OTUD7A: variants seen among roughly 807,000 people sequenced by gnomAD.
OTUD7A encodes the protein OTU domain-containing protein 7A.
A neutral mutation model predicts 65.7 loss-of-function variants in OTUD7A; 12 were observed. That is an observed-to-expected ratio of 0.18 (90% CI 0.12 to 0.30). The LOEUF (loss-of-function observed/expected upper bound fraction) is 0.30, where lower values mean the gene tolerates loss of function less well. OTUD7A is among the 10% of genes least tolerant of loss of function. The probability of loss-of-function intolerance (pLI) is 1.00; values close to 1 mark genes in which losing one functional copy is unlikely to be tolerated. For synonymous variants in OTUD7A, 641 were observed against 586.3 expected (o/e 1.09, Z -1.35); for missense variants, 1,148 against 1,304.8 (o/e 0.88, Z 1.85).
intron 1 of OTUD7A, among the ~76,000 whole-genome samples, chr15:31,770,904 C>T (rs1274397758): frequency 2.6e-5 from 4 of 152,110 alleles, no homozygotes; most frequent in Admixed American, 1.3e-4. Context: ...AAAGGACTCC[C>T]GCAACCTGAC....
chr15:31,567,691 C>A (rs529983202), intron 4 of OTUD7A, among the ~76,000 whole-genome samples: 1 of 152,366 alleles, frequency 6.6e-6, no homozygotes, highest in South Asian at 2.1e-4. Context: ...CCATCAAAGG[C>A]CTACAGGCCT....
chr15:31,754,726 T>C (rs1327631310), intron 1 of OTUD7A, among the ~76,000 whole-genome samples: 1 of 152,224 alleles, frequency 6.6e-6, no homozygotes, highest in Non-Finnish European at 1.5e-5. Flanking sequence ...TGCCTGTTTT[T>C]ATAACAGTAC....
chr15:31,558,905 G>C (rs1210693398), intron 5 of OTUD7A, 64 bp downstream of exon 5: 1 of 1,545,924 alleles, frequency 6.5e-7, no homozygotes, highest in Non-Finnish European at 8.9e-7. Flanking sequence ...TCATAGAGTA[G>C]GTTAGGCCAG....
chr15:31,791,120 G>T (rs1484335037), intron 1 of OTUD7A, among the ~76,000 whole-genome samples: 1 of 152,086 alleles, frequency 6.6e-6, no homozygotes. Flanking sequence ...TCCGCATCCT[G>T]GGTTCAAGCG....
At chr15:31,729,222 G>A (rs1336189203) in intron 1 of OTUD7A, among the ~76,000 whole-genome samples, 6 of 152,140 alleles carry the variant, frequency 3.9e-5, no homozygotes, top group Admixed American at 6.5e-5. Context: ...CTGGGGTTTC[G>A]GAATGTATTC....
chr15:31,842,848 A>G (rs184065961), intron 1 of OTUD7A, among the ~76,000 whole-genome samples: 1 of 152,300 alleles, frequency 6.6e-6, no homozygotes, highest in Admixed American at 6.5e-5. Flanking sequence ...CCAGAATTCC[A>G]AAAGATGGGC....
chr15:31,631,424 T>A (rs935095771), intron 3 of OTUD7A, among the ~76,000 whole-genome samples: 1 of 152,226 alleles, frequency 6.6e-6, no homozygotes, highest in African/African-American at 2.4e-5. Flanking sequence ...GCCCCAACTC[T>A]CTTCTGGCTT....
chr15:31,484,564 T>G lies in OTUD7A; in HGVS notation c.1532A>C (p.Glu511Ala). The G allele has an allele frequency of 1.2e-6, 2 of 1,611,474 alleles. No individual in the cohort carries two copies. The highest frequency in any genetic ancestry group is 1.7e-6 in the Non-Finnish European group (2 of 1,179,812). ...GGAGTCGGCGCGCGTCTTGTCCTTC[T>G]CCTTGCGCTGCTTCTCCTTCTCCTT... ...KDKEKEKQRKEKDKTRADSVA... is the reference protein window; with the variant it reads ...KDKEKEKQRKAKDKTRADSVA... Residue 511 changes from glutamate (E) to alanine (A), a missense_variant, in exon 13 of 13, where the codon GAG becomes GCG. By Grantham distance (107) the Glu-to-Ala change is moderately radical (BLOSUM62 -1). Around this residue, in one of 6 missense-constraint regions of OTUD7A, gnomAD observed 842 missense variants for 769.5 expected, o/e 1.09. Coordinates refer to ENST00000307050, the MANE Select transcript of OTUD7A (RefSeq NM_001382637.1). The surrounding 1 kb of genome is among the most constrained non-coding windows in gnomAD (Gnocchi z 4.5).
intron 1 of OTUD7A, among the ~76,000 whole-genome samples, chr15:31,811,111 CG>C (rs1896403064): frequency 6.6e-6 from 1 of 152,092 alleles, no homozygotes; most frequent in Non-Finnish European, 1.5e-5. Flanking sequence ...AGAAGGTGCA[CG>C]GATTCAACCT....
At chr15:31,576,797 T>A (rs552447908) in intron 3 of OTUD7A, among the ~76,000 whole-genome samples, 1 of 152,344 alleles carries the variant, frequency 6.6e-6, no homozygotes, top group African/African-American at 2.4e-5. Context: ...ACTGTGTATA[T>A]CGTAAACTGA....
intron 1 of OTUD7A, among the ~76,000 whole-genome samples, chr15:31,658,863 A>G (rs530546815): frequency 1.3e-5 from 2 of 149,658 alleles, no homozygotes; most frequent in South Asian, 4.3e-4. Context: ...CCCCGTCTCT[A>G]CTAATTAAAA....
rs1055721324 is a variant in OTUD7A at position 31,478,195 on chromosome 15, G to A, written c.*5099C>T. 6 of 152,216 alleles carry A rather than the reference G, an allele frequency of 3.9e-5. No individual in the cohort carries two copies. The highest frequency in any genetic ancestry group is 8.8e-5 in the Non-Finnish European group (6 of 68,038). The allele number at this position is 152,216 out of a possible 1,614,324, so 9.4% of individuals were successfully genotyped here. On this transcript the variant is annotated 3_prime_UTR_variant, in exon 13 of 13. Coordinates refer to ENST00000307050, the MANE Select transcript of OTUD7A (RefSeq NM_001382637.1). ...TGGGAGGCTGTTTCTTCGTTTAAAG[G>A]AGCACTCCAGTGTCTGCAGATAAAT...
At chr15:31,548,258 C>A (rs1888201516) in intron 5 of OTUD7A, among the ~76,000 whole-genome samples, 2 of 150,562 alleles carry the variant, frequency 1.3e-5, no homozygotes, top group Admixed American at 6.6e-5. Flanking sequence ...GTCAGATGTT[C>A]CTGCGCGGTG....
At chr15:31,512,097 CTTTACTGCCCCGCAGCTT>C (rs1299764759) in intron 8 of OTUD7A, among the ~76,000 whole-genome samples, 1 of 152,188 alleles carries the variant, frequency 6.6e-6, no homozygotes, top group East Asian at 1.9e-4. Context: ...CTAAGGAATG[CTTTACTGCCCCGCAGCTT>C]TTTCCTCAGT....
intron 1 of OTUD7A, among the ~76,000 whole-genome samples, chr15:31,812,900 A>G (rs1896457112): frequency 6.6e-6 from 1 of 152,288 alleles, no homozygotes; most frequent in South Asian, 2.1e-4. Flanking sequence ...CTTCTAAAAT[A>G]TAAGGGTTTA....
chr15:31,519,998 CA>C (rs139345668), intron 8 of OTUD7A, among the ~76,000 whole-genome samples: 6,886 of 152,168 alleles, frequency 0.045, 523 homozygotes, highest in African/African-American at 0.16. Flanking sequence ...GTCAATGACA[CA>C]AATGAATGGA....
intron 1 of OTUD7A, chr15:31,768,135 A>T: frequency 6.3e-7 from 1 of 1,590,162 alleles, no homozygotes; most frequent in Non-Finnish European, 8.6e-7. Flanking sequence ...GCTCGAAAAG[A>T]TGTGGTAACT....
At chr15:31,809,064 G>A (rs1285760118) in intron 1 of OTUD7A, among the ~76,000 whole-genome samples, 30 of 152,172 alleles carry the variant, frequency 2.0e-4, no homozygotes, top group South Asian at 2.1e-4. Context: ...GACAGGAGAG[G>A]AAGCAGGCAT....
intron 4 of OTUD7A, among the ~76,000 whole-genome samples, chr15:31,567,084 G>A (rs1385285448): frequency 6.6e-6 from 1 of 152,250 alleles, no homozygotes; most frequent in Non-Finnish European, 1.5e-5. Flanking sequence ...GGCAGAAGTT[G>A]GAAGTCTGGA....
Sources: allele counts gnomAD v4.1 joint callset (sites outside exome capture counted in the v4.1 genomes callset), GRCh38; gene constraint gnomAD v4.1.1; regional missense constraint gnomAD v4.1.1; non-coding constraint Gnocchi (gnomAD v3.1); transcripts MANE v1.5; gene names NCBI Gene and HGNC (gene_info 2026-07-23, HGNC 2026-07-21).